Variants in NRG1 observed in about 807,000 individuals in gnomAD.
NRG1 encodes the protein pro-neuregulin-1, membrane-bound isoform.
A neutral mutation model predicts 63.8 loss-of-function variants in NRG1; 18 were observed. That is an observed-to-expected ratio of 0.28 (90% CI 0.19 to 0.42). NRG1 has a LOEUF of 0.42. Ranked by LOEUF, NRG1 falls within the 10% of genes least tolerant of loss-of-function variation. The pLI, the probability that NRG1 is intolerant of heterozygous loss-of-function variation, is 1.00. For missense variants in NRG1, 762 were observed against 814.7 expected (o/e 0.94, Z 0.79); for synonymous variants, 302 against 301.3 (o/e 1.00, Z -0.02).
At chr8:32,065,644 A>G (rs1824657680) in intron 1 of NRG1, among the ~76,000 whole-genome samples, 1 of 152,228 alleles carries the variant, frequency 6.6e-6, no homozygotes. Flanking sequence ...CACTATAAAC[A>G]TACCTGTGCA....
chr8:32,266,242 G>T (rs1040751939), intron 1 of NRG1, among the ~76,000 whole-genome samples: 4 of 152,144 alleles, frequency 2.6e-5, no homozygotes, highest in African/African-American at 9.7e-5. Context: ...ACTTTCTTAT[G>T]AAACATGAAG....
chr8:32,672,031 T>C (rs1030001299), intron 5 of NRG1, among the ~76,000 whole-genome samples: 1 of 143,832 alleles, frequency 7.0e-6, no homozygotes, highest in Non-Finnish European at 1.5e-5. Flanking sequence ...TCTATTCCGA[T>C]ATGTGTTTTT....
rs142908241 is a variant in NRG1, at chr8:32,294,336, T to A, written c.38-301492T>A. The stretch of plus-strand genomic sequence containing the variant: ...CATGTGCTCTGGCTGGTCATGGTGG[T>A]CAGATTGCAAACAGTTGGCAATCTT... On this transcript the variant is annotated intron_variant, in intron 1 of 10. Coordinates refer to the NRG1 transcript ENST00000519301. Among the ~76,000 whole-genome samples the A allele has an allele frequency of 1.3e-3, 193 of 152,290 alleles. 3 individuals are homozygous for A. Among genetic ancestry groups the A allele is most frequent in the East Asian group, 0.01 (54 of 5,174 alleles).
At chr8:32,213,820 T>G (rs1367080402) in intron 1 of NRG1, among the ~76,000 whole-genome samples, 1 of 152,150 alleles carries the variant, frequency 6.6e-6, no homozygotes, top group African/African-American at 2.4e-5. Flanking sequence ...CAGGAGTTTA[T>G]TAGTGTGTGC....
At chr8:32,663,301 A>G (rs1803327078) in intron 5 of NRG1, among the ~76,000 whole-genome samples, 1 of 152,122 alleles carries the variant, frequency 6.6e-6, no homozygotes, top group Non-Finnish European at 1.5e-5. Flanking sequence ...TGAGCTAAGT[A>G]CTTTCCTCTC....
exon 1 of NRG1, chr8:32,548,556 G>T (rs1833409436): frequency 8.0e-7 from 1 of 1,257,340 alleles, no homozygotes; most frequent in Admixed American, 4.3e-5. Flanking sequence ...CCGCGTCCGC[G>T]CCGCGCTCCC....
intron 1 of NRG1, among the ~76,000 whole-genome samples, chr8:31,957,381 A>G (rs2129624885): frequency 6.6e-6 from 1 of 152,236 alleles, no homozygotes; most frequent in South Asian, 2.1e-4. Context: ...GCACTGGGCT[A>G]TGTATGAGTC....
intron 1 of NRG1, among the ~76,000 whole-genome samples, chr8:31,800,504 A>G (rs1821659137): frequency 1.3e-5 from 2 of 152,210 alleles, no homozygotes; most frequent in Admixed American, 6.5e-5. Flanking sequence ...ACAGGATTCT[A>G]TTAGGACGAT....
chr8:31,646,573 G>C (rs1804307440), intron 1 of NRG1, among the ~76,000 whole-genome samples: 2 of 152,168 alleles, frequency 1.3e-5, no homozygotes, highest in Non-Finnish European at 2.9e-5. Context: ...TTAAGGCAAA[G>C]ATAGCTAAAA....
chr8:31,747,839 G>C (rs527730288), intron 1 of NRG1, among the ~76,000 whole-genome samples: 4 of 151,936 alleles, frequency 2.6e-5, no homozygotes. Context: ...GGTCTTTAGG[G>C]TTGAAATATA....
At chr8:31,932,940 C>A (rs144890360) in intron 1 of NRG1, among the ~76,000 whole-genome samples, 112 of 152,298 alleles carry the variant, frequency 7.4e-4, no homozygotes, top group African/African-American at 2.6e-3. Context: ...GTAAGGCATT[C>A]ATGAGCATCT....
At chr8:31,670,904 C>T (rs780828184) in intron 1 of NRG1, among the ~76,000 whole-genome samples, 8 of 152,118 alleles carry the variant, frequency 5.3e-5, no homozygotes, top group Non-Finnish European at 7.3e-5. Context: ...TTTCATCACC[C>T]AGGTAATCAA....
chr8:31,840,425 A>G (rs1223294566), intron 1 of NRG1, among the ~76,000 whole-genome samples: 3 of 148,964 alleles, frequency 2.0e-5, no homozygotes, highest in Non-Finnish European at 4.4e-5. Flanking sequence ...ATCAGCACCT[A>G]CAATAATGCT....
rs67034958 is a variant in NRG1 at position 32,716,821 on chromosome 8, C to CGT, written c.503-11108_503-11107dup. On this transcript the variant is annotated intron_variant, in intron 5 of 11. Transcript: ENST00000356819. Reference sequence around the variant, plus strand: ...GTGTGCATGTGTGTGTGTGCATGTGCGTGTGTGTGTGTGTGTGTGTGCATA... The same window carrying CGT: ...GTGTGCATGTGTGTGTGTGCATGTGCGTGTGTGTGTGTGTGTGTGTGTGCATA... 4.3e-3 allele frequency among the ~76,000 whole-genome samples: 652 copies of CGT among 149,920 alleles called. 1 individual carries two copies. The highest frequency in any genetic ancestry group is 9.2e-3 in the South Asian group (43 of 4,674).
intron 1 of NRG1, among the ~76,000 whole-genome samples, chr8:32,343,744 G>T (rs1804377468): frequency 6.6e-6 from 1 of 152,170 alleles, no homozygotes; most frequent in African/African-American, 2.4e-5. Context: ...AGAGATTTCT[G>T]TTTTATTAGA....
At chr8:32,423,895 CAT>C (rs1817007787) in intron 1 of NRG1, among the ~76,000 whole-genome samples, 1 of 152,124 alleles carries the variant, frequency 6.6e-6, no homozygotes, top group African/African-American at 2.4e-5. Flanking sequence ...CCTGCCATAA[CAT>C]ATTTTCCTCA....
At chr8:32,483,410 G>T (rs1025681054) in intron 1 of NRG1, among the ~76,000 whole-genome samples, 3 of 152,158 alleles carry the variant, frequency 2.0e-5, no homozygotes, top group African/African-American at 7.2e-5. Context: ...CAAATCATTT[G>T]ACCTCTACTC....
At chr8:31,934,500 A>T (rs1377273357) in intron 1 of NRG1, among the ~76,000 whole-genome samples, 1 of 134,020 alleles carries the variant, frequency 7.5e-6, no homozygotes, top group Non-Finnish European at 1.5e-5. Context: ...ATCTTGGCTC[A>T]CTGCAACCTC....
At chr8:31,811,799 T>A (rs1822914288) in intron 1 of NRG1, among the ~76,000 whole-genome samples, 1 of 152,176 alleles carries the variant, frequency 6.6e-6, no homozygotes, top group South Asian at 2.1e-4. Context: ...AAGAGAGGTA[T>A]GAATATTCTG....
Sources: allele counts gnomAD v4.1 joint callset (sites outside exome capture counted in the v4.1 genomes callset), GRCh38; gene constraint gnomAD v4.1.1; transcripts MANE v1.5; gene names NCBI Gene and HGNC (gene_info 2026-07-23, HGNC 2026-07-21).